Variants in WWOX observed in about 807,000 individuals in gnomAD.
The protein encoded by WWOX is WW domain-containing oxidoreductase.
WWOX carries 69 observed loss-of-function variants against 46.2 expected under a neutral mutation model. That is an observed-to-expected ratio of 1.49 (90% CI 1.23 to 1.82). WWOX has a LOEUF of 1.82. WWOX is among the 40% of genes most tolerant of loss of function. The pLI is 0.00. For missense variants in WWOX, 919 were observed against 542.6 expected (o/e 1.69, Z -6.89); for synonymous variants, 359 against 202.6 (o/e 1.77, Z -6.56).
chr16:79,038,304 A>G (rs918677565), intron 8 of WWOX, among the ~76,000 whole-genome samples: 2 of 152,220 alleles, frequency 1.3e-5, no homozygotes, highest in African/African-American at 4.8e-5. Context: ...GGCGTTTCAA[A>G]GTATAAACAG....
At chr16:78,164,362 G>C in intron 5 of WWOX, 73 bp downstream of exon 5, 2 of 1,327,374 alleles carry the variant, frequency 1.5e-6, no homozygotes, top group South Asian at 2.5e-5. Context: ...GGAGATTTCA[G>C]TGGAGTGTGT....
chr16:78,341,674 T>C (rs1168857329), intron 5 of WWOX, among the ~76,000 whole-genome samples: 2 of 119,360 alleles, frequency 1.7e-5, no homozygotes, highest in Admixed American at 8.2e-5. Context: ...CTGGGAAAGG[T>C]GAGCAAGAGC....
At chr16:78,464,560 C>T (rs1262832575) in intron 8 of WWOX, among the ~76,000 whole-genome samples, 1 of 152,134 alleles carries the variant, frequency 6.6e-6, no homozygotes, top group Non-Finnish European at 1.5e-5. Flanking sequence ...TCAAGGGATC[C>T]TTGTTTTCTA....
At chr16:78,356,199 T>A (rs910830044) in intron 5 of WWOX, among the ~76,000 whole-genome samples, 2 of 149,768 alleles carry the variant, frequency 1.3e-5, no homozygotes, top group East Asian at 2.0e-4. Flanking sequence ...AATAAATAAA[T>A]AAAAATGCAT....
chr16:78,953,343 C>G (rs2046101042), intron 8 of WWOX, among the ~76,000 whole-genome samples: 2 of 152,076 alleles, frequency 1.3e-5, no homozygotes, highest in Non-Finnish European at 1.5e-5. Context: ...AGAACAAACT[C>G]TTTTTAAGGG....
chr16:78,860,297 T>C (rs78200659), intron 8 of WWOX, among the ~76,000 whole-genome samples: 3,530 of 152,310 alleles, frequency 0.023, 119 homozygotes, highest in African/African-American at 0.079. Context: ...GATGAATGAA[T>C]AGTGGCCTAC....
chr16:78,581,888 A>G (rs896521986), intron 8 of WWOX, among the ~76,000 whole-genome samples: 1 of 152,208 alleles, frequency 6.6e-6, no homozygotes, highest in Admixed American at 6.5e-5. Flanking sequence ...ATTTGAAATT[A>G]AAATGTGTGG....
chr16:78,830,399 T>G (rs2056876), intron 8 of WWOX, among the ~76,000 whole-genome samples: 19,692 of 152,058 alleles, frequency 0.13, 1,590 homozygotes, highest in Non-Finnish European at 0.18. Flanking sequence ...TGGGGGTTTT[T>G]CTCACTGGTT....
intron 8 of WWOX, among the ~76,000 whole-genome samples, chr16:78,713,373 C>G (rs1433604590): frequency 1.4e-5 from 2 of 144,186 alleles, no homozygotes; most frequent in Non-Finnish European, 3.0e-5. Flanking sequence ...TTCATGGTAA[C>G]AGGACCAGCA....
In WWOX at chr16:78,338,968, T is replaced by A. The variant is rs2080953454; in HGVS notation, c.517-47892T>A. ...TTAGTGAATTCAGTTGGTCTTTATA[T>A]ATGTAGCTTTAAGTAATTGCATGTA... On this transcript the variant is annotated intron_variant, in intron 5 of 8. Transcript: ENST00000566780. 1.7e-5 allele frequency among the ~76,000 whole-genome samples: 2 copies of A among 121,110 alleles called. 1 individual carries two copies. Among genetic ancestry groups the A allele is most frequent in the Admixed American group, 1.6e-4 (2 of 12,384 alleles). 79.5% of individuals were successfully genotyped at this position (121,110 alleles called of 152,430 possible). A position where few individuals can be genotyped will look rare whatever the true frequency, so the allele number is the denominator to read the frequency against.
At chr16:78,703,908 GA>G (rs1170709306) in intron 8 of WWOX, among the ~76,000 whole-genome samples, 3 of 151,870 alleles carry the variant, frequency 2.0e-5, no homozygotes, top group Non-Finnish European at 2.9e-5. Context: ...AAGAGTTTTG[GA>G]ACTTATTATT....
intron 8 of WWOX, among the ~76,000 whole-genome samples, chr16:78,975,230 A>T (rs542070727): frequency 6.6e-6 from 1 of 152,276 alleles, no homozygotes; most frequent in Admixed American, 6.5e-5. Context: ...GGGTTCTCAG[A>T]TGGGACCACT....
chr16:79,148,123 G>A (rs1203285506), intron 8 of WWOX, among the ~76,000 whole-genome samples: 2 of 152,054 alleles, frequency 1.3e-5, no homozygotes, highest in Admixed American at 6.5e-5. Flanking sequence ...CTGAGCTTTT[G>A]TTGCCAAATC....
At chr16:78,375,045 C>T (rs1012694014) in intron 5 of WWOX, among the ~76,000 whole-genome samples, 2 of 152,164 alleles carry the variant, frequency 1.3e-5, no homozygotes, top group Non-Finnish European at 2.9e-5. Context: ...GAGGCAGATA[C>T]CATTTTAAGC....
intron 7 of WWOX, among the ~76,000 whole-genome samples, chr16:78,426,910 C>T (rs1015033252): frequency 6.6e-6 from 1 of 152,242 alleles, no homozygotes; most frequent in Non-Finnish European, 1.5e-5. Context: ...GATCCGCCTG[C>T]CTTGGCTTCT....
chr16:78,955,603 T>G (rs2046149580), intron 8 of WWOX, among the ~76,000 whole-genome samples: 2 of 151,922 alleles, frequency 1.3e-5, no homozygotes, highest in African/African-American at 4.8e-5. Flanking sequence ...TAACTTTATT[T>G]TTTATATTTT....
At chr16:78,712,285 T>C (rs993645246) in intron 8 of WWOX, among the ~76,000 whole-genome samples, 1 of 152,052 alleles carries the variant, frequency 6.6e-6, no homozygotes, top group African/African-American at 2.4e-5. Flanking sequence ...GGGCAGATCA[T>C]GAGGTCAAGA....
At chr16:79,051,226 G>T (rs899716433) in intron 8 of WWOX, among the ~76,000 whole-genome samples, 55 of 152,324 alleles carry the variant, frequency 3.6e-4, no homozygotes, top group African/African-American at 1.1e-3. Context: ...TTGCCTTGCT[G>T]TGGGAAGGGG....
chr16:78,366,445 A>G (rs1343559898), intron 5 of WWOX, among the ~76,000 whole-genome samples: 1 of 152,184 alleles, frequency 6.6e-6, no homozygotes, highest in East Asian at 1.9e-4. Context: ...AAGGAATGGC[A>G]TGACATTCTC....
Sources: gnomAD v4.1 joint callset for allele counts (sites outside exome capture counted in the v4.1 genomes callset) on GRCh38, gnomAD v4.1.1 for gene constraint, MANE v1.5 for transcripts, NCBI Gene and HGNC (gene_info 2026-07-23, HGNC 2026-07-21) for gene names.